FLT1: variants seen among roughly 807,000 people sequenced by gnomAD.
FLT1 encodes the protein fms related receptor tyrosine kinase 1.
FLT1 carries 49 observed loss-of-function variants against 156.3 expected under a neutral mutation model. The observed-to-expected ratio is 0.31, with a 90% CI of 0.25 to 0.40. The LOEUF is 0.40. FLT1 is among the 10% of genes least tolerant of loss of function. The pLI, the probability that FLT1 is intolerant of heterozygous loss-of-function variation, is 1.00. For synonymous variants in FLT1, 594 were observed against 583.8 expected (o/e 1.02, Z -0.25); for missense variants, 1,322 against 1,637.2 (o/e 0.81, Z 3.32).
At chr13:28,455,832 AAAG>A (rs1241182406) in intron 3 of FLT1, among the ~76,000 whole-genome samples, 1 of 152,258 alleles carries the variant, frequency 6.6e-6, no homozygotes, top group East Asian at 1.9e-4. Context: ...TCATTTCACC[AAAG>A]AAGACCTACA....
At chr13:28,365,050 T>G (rs1873239370) in intron 14 of FLT1, among the ~76,000 whole-genome samples, 1 of 152,202 alleles carries the variant, frequency 6.6e-6, no homozygotes, top group South Asian at 2.1e-4. Flanking sequence ...GTCATATTTA[T>G]TTTTAGGTGG....
At chr13:28,372,455 A>G (rs1237399395) in intron 14 of FLT1, among the ~76,000 whole-genome samples, 1 of 150,910 alleles carries the variant, frequency 6.6e-6, no homozygotes, top group African/African-American at 2.4e-5. Flanking sequence ...CATTGACAAG[A>G]TACATATCAA....
chr13:28,420,736 G>T (rs754272607), intron 10 of FLT1, among the ~76,000 whole-genome samples: 1 of 152,088 alleles, frequency 6.6e-6, no homozygotes, highest in East Asian at 1.9e-4. Flanking sequence ...TTGGGTCTTT[G>T]AGTACATTTC....
intron 10 of FLT1, among the ~76,000 whole-genome samples, chr13:28,424,694 C>T (rs1877240203): frequency 6.6e-6 from 1 of 152,134 alleles, no homozygotes; most frequent in Admixed American, 6.5e-5. Flanking sequence ...ATAGATACGC[C>T]CTTTCACTAG....
intron 10 of FLT1, among the ~76,000 whole-genome samples, chr13:28,411,167 TA>T (rs940974107): frequency 2.0e-5 from 3 of 152,100 alleles, no homozygotes; most frequent in African/African-American, 4.8e-5. Flanking sequence ...ATTTTTGGCA[TA>T]AATTCTAGTT....
chr13:28,386,736 G>A, intron 13 of FLT1: 2 of 1,054,730 alleles, frequency 1.9e-6, no homozygotes. Flanking sequence ...TTTTTACATA[G>A]TGAAGACCCC....
chr13:28,368,699 G>A, intron 14 of FLT1: 2 of 734,046 alleles, frequency 2.7e-6, no homozygotes, highest in Non-Finnish European at 4.6e-6. Context: ...CTTTAGATTG[G>A]CAGCTTTTTT....
rs57419092 is a variant in FLT1, at chr13:28,300,521, CCACACACACACA to C, written c.*2634_*2645del. 92 of 225,628 alleles carry C rather than the reference CCACACACACACA, an allele frequency of 4.1e-4. No homozygotes were observed. Among genetic ancestry groups the C allele is most frequent in the Admixed American group, 2.3e-3 (40 of 17,216 alleles). 14.0% of individuals were successfully genotyped at this position (225,628 alleles called of 1,614,324 possible). ...AGTTATGCACAAAACACACATACAC[CCACACACACACA>C]CACACACACACACACACACACACAT... On this transcript the variant is annotated 3_prime_UTR_variant, in exon 30 of 30. Coordinates refer to ENST00000282397, the MANE Select transcript of FLT1 (RefSeq NM_002019.4).
chr13:28,469,442 T>G (rs757846070), intron 1 of FLT1, among the ~76,000 whole-genome samples: 25 of 152,318 alleles, frequency 1.6e-4, no homozygotes, highest in Admixed American at 3.3e-4. Context: ...AGGCTTAGCT[T>G]TTCCACCTAC....
At chr13:28,467,238 A>G in intron 2 of FLT1, 109 bp from the exon 3 acceptor site, 1 of 846,918 alleles carries the variant, frequency 1.2e-6, no homozygotes, top group Non-Finnish European at 2.0e-6. Context: ...TCTTAAGTGT[A>G]GTCATCTTCC....
chr13:28,376,301 C>T (rs1873837292), intron 14 of FLT1, among the ~76,000 whole-genome samples: 1 of 152,210 alleles, frequency 6.6e-6, no homozygotes, highest in African/African-American at 2.4e-5. Flanking sequence ...GAGTGATTCT[C>T]TCCTGCTCCA....
chr13:28,495,038 C>T lies in FLT1; in HGVS notation c.-195G>A. 1 of 485,396 alleles carries T rather than the reference C, an allele frequency of 2.1e-6. No homozygotes were observed. The highest frequency in any genetic ancestry group is 3.6e-6 in the Non-Finnish European group (1 of 281,588). 30.1% of individuals were successfully genotyped at this position (485,396 alleles called of 1,614,324 possible). A position where few individuals can be genotyped will look rare whatever the true frequency, so the allele number is the denominator to read the frequency against. ...CGCCCGCTGGCCGCTGCACCCGAGC[C>T]CCGGAGCCCGCTCCGAGCCGCCGCC... is the stretch of plus-strand genomic sequence containing the variant. On this transcript the variant is annotated 5_prime_UTR_variant, in exon 1 of 30. Coordinates refer to ENST00000282397, the MANE Select transcript of FLT1 (RefSeq NM_002019.4). The surrounding 1 kb of genome is among the most constrained non-coding windows in gnomAD (Gnocchi z 4.1).
intron 13 of FLT1, chr13:28,386,480 A>G: frequency 9.5e-7 from 1 of 1,047,950 alleles, no homozygotes; most frequent in Non-Finnish European, 1.2e-6. Flanking sequence ...AGTGTGCTGA[A>G]GGAAGTGCTC....
intron 3 of FLT1, among the ~76,000 whole-genome samples, chr13:28,445,344 T>C (rs1420737831): frequency 6.6e-6 from 1 of 151,940 alleles, no homozygotes; most frequent in Non-Finnish European, 1.5e-5. Context: ...GGCATGATGG[T>C]GGACTCCTGT....
At chr13:28,424,738 G>A (rs955282600) in intron 10 of FLT1, among the ~76,000 whole-genome samples, 5 of 152,076 alleles carry the variant, frequency 3.3e-5, no homozygotes, top group Admixed American at 1.3e-4. Context: ...ATTATTCTAC[G>A]TATTTGAGAG....
chr13:28,446,621 A>T (rs1878633099), intron 3 of FLT1, among the ~76,000 whole-genome samples: 1 of 152,204 alleles, frequency 6.6e-6, no homozygotes, highest in Non-Finnish European at 1.5e-5. Flanking sequence ...TACTTTGAAA[A>T]CTATAAGACA....
chr13:28,386,599 T>TA, intron 13 of FLT1: 4 of 1,055,938 alleles, frequency 3.8e-6, no homozygotes, highest in Non-Finnish European at 4.6e-6. Flanking sequence ...AGCAGAACGT[T>TA]ACGATATTTC....
chr13:28,300,540 C>T lies in FLT1; in HGVS notation c.*2627G>A. The T allele has an allele frequency of 4.3e-6, 1 of 232,938 alleles. No homozygotes were observed. 14.4% of individuals were successfully genotyped at this position (232,938 alleles called of 1,614,324 possible). A position where few individuals can be genotyped will look rare whatever the true frequency, so the allele number is the denominator to read the frequency against. On this transcript the variant is annotated 3_prime_UTR_variant, in exon 30 of 30. Coordinates refer to ENST00000282397, the MANE Select transcript of FLT1 (RefSeq NM_002019.4). Reference sequence around the variant, plus strand: ...ATACACCCACACACACACACACACACACACACACACACACACATACAGTTA... The same window carrying T: ...ATACACCCACACACACACACACACATACACACACACACACACATACAGTTA...
In FLT1 at chr13:28,389,958, T is replaced by A; in HGVS notation, c.1807A>T (p.Ser603Cys). 6.2e-7 allele frequency: 1 copy of A among 1,614,188 alleles called. No homozygotes were observed. The highest frequency in any genetic ancestry group is 8.5e-7 in the Non-Finnish European group (1 of 1,180,024). The change falls in exon 13 of 30, where the codon AGT (serine) becomes TGT (cysteine). Residue 603 changes from serine (S) to cysteine (C), a missense_variant. Ser to Cys is a moderately radical substitution (Grantham distance 112, BLOSUM62 -1). Transcript: ENST00000282397. ...ATGGCCATTTTTTGCTTGCTAATAC[T>A]GTAGTGCATTGTTCTGTTATTAACT... ...RTVNNRTMHYSISKQKMAITK... is the reference protein window; with the variant it reads ...RTVNNRTMHYCISKQKMAITK...
Sources: gnomAD v4.1 joint callset for allele counts (sites outside exome capture counted in the v4.1 genomes callset) on GRCh38, gnomAD v4.1.1 for gene constraint, Gnocchi (gnomAD v3.1) non-coding constraint, MANE v1.5 for transcripts, NCBI Gene and HGNC (gene_info 2026-07-23, HGNC 2026-07-21) for gene names.